The following FAT1 variants were observed in gnomAD, a reference collection of about 807,000 sequenced individuals.
FAT1 encodes FAT atypical cadherin 1.
FAT1 carries 171 observed loss-of-function variants against 329.8 expected under a neutral mutation model. The observed-to-expected ratio is 0.52, with a 90% CI of 0.46 to 0.59. The LOEUF (loss-of-function observed/expected upper bound fraction) is 0.59. Among genes scored for constraint, FAT1 ranks in the 20% least tolerant of loss-of-function variants. The pLI is 0.00. For synonymous variants in FAT1, 2,233 were observed against 2,228.6 expected (o/e 1.00, Z -0.06); for missense variants, 5,672 against 5,774.4 (o/e 0.98, Z 0.57).
chr4:186,714,731 A>AT (rs1171188460), intron 1 of FAT1, among the ~76,000 whole-genome samples: 1 of 152,156 alleles, frequency 6.6e-6, no homozygotes, highest in Non-Finnish European at 1.5e-5. Flanking sequence ...GTAAATAAAG[A>AT]TTTTTCTACA....
chr4:186,640,821 C>T (rs571896372), intron 3 of FAT1, among the ~76,000 whole-genome samples: 17 of 152,246 alleles, frequency 1.1e-4, no homozygotes, highest in African/African-American at 4.1e-4. Context: ...CAAAACTCCC[C>T]TAAGCACTAA....
chr4:186,614,045 T>G (rs962990269), intron 12 of FAT1, 146 bp downstream of exon 12: 2 of 630,764 alleles, frequency 3.2e-6, no homozygotes, highest in Non-Finnish European at 5.2e-6. Flanking sequence ...GCTGGTAAGA[T>G]TTCTAAGAGA....
At position 186,603,170 on chromosome 4, in the gene FAT1, C is replaced by CAGTA; in HGVS notation, c.11350+2_11350+5dup. The stretch of plus-strand genomic sequence containing the variant: ...ACACCGACTTTCATACACTCATGTG[C>CAGTA]AGTACCTTTGCAGAGACACACCGCT... On this transcript the variant is annotated splice_donor_region_variant and intron_variant, in intron 19 of 26. Coordinates refer to ENST00000441802, the MANE Select transcript of FAT1 (RefSeq NM_005245.4). 1 of 1,613,476 alleles carries CAGTA rather than the reference C, an allele frequency of 6.2e-7. No individual in the cohort carries two copies. The highest frequency in any genetic ancestry group is 8.5e-7 in the Non-Finnish European group (1 of 1,179,590).
intron 2 of FAT1, among the ~76,000 whole-genome samples, chr4:186,672,251 T>G (rs561649642): frequency 4.6e-5 from 7 of 152,212 alleles, no homozygotes; most frequent in African/African-American, 1.7e-4. Flanking sequence ...TCTATAAATA[T>G]TTTATGTTTT....
chr4:186,674,534 A>T (rs1278102572), intron 2 of FAT1, among the ~76,000 whole-genome samples: 1 of 152,230 alleles, frequency 6.6e-6, no homozygotes, highest in East Asian at 1.9e-4. Flanking sequence ...CACATCCACC[A>T]AGGTGGACCA....
Position 186,603,497 on chromosome 4 carries a change from C to T in FAT1, c.11029G>A (p.Asp3677Asn), listed in dbSNP as rs754963553. Reference protein sequence around the residue: ...LRNILGVRRNDIQIVSLQSSE... With the variant: ...LRNILGVRRNNIQIVSLQSSE... ...GACTGCAAACTAACAATCTGTATGT[C>T]GTTCCTCCTCACACCCAGGATGTTC... The change falls in exon 19 of 27, where the codon GAC (aspartate) becomes AAC (asparagine). Residue 3677 changes from aspartate to asparagine, a missense_variant. By Grantham distance (23) the Asp-to-Asn change is conservative. Around this residue, in one of 2 missense-constraint regions of FAT1, gnomAD observed 1,706 missense variants for 1,859.1 expected, o/e 0.92. Coordinates refer to ENST00000441802, the MANE Select transcript of FAT1 (RefSeq NM_005245.4). 21 of 1,613,854 alleles carry T rather than the reference C, an allele frequency of 1.3e-5. No homozygotes were observed. Among genetic ancestry groups the T allele is most frequent in the Non-Finnish European group, 1.6e-5 (19 of 1,179,892 alleles).
In FAT1 at chr4:186,663,527, G is replaced by A. The variant is rs780115743; in HGVS notation, c.3352C>T (p.Pro1118Ser). 1.9e-6 allele frequency: 3 copies of A among 1,612,984 alleles called. No homozygotes were observed. The highest frequency in any genetic ancestry group is 2.5e-6 in the Non-Finnish European group (3 of 1,179,632). Residue 1118 changes from proline to serine, a missense_variant, in exon 3 of 27, where the codon CCT becomes TCT. Pro to Ser is a moderately conservative substitution (Grantham distance 74). This residue lies in a region of FAT1 where 3,966 missense variants were observed against 3,915.2 expected (regional missense o/e 1.01). Coordinates refer to ENST00000441802, the MANE Select transcript of FAT1 (RefSeq NM_005245.4). ...TAGATCTCTATGAACGATGAAAGAGGCACGACACCCTGATCGGTTGCAAAG... is the reference window on the plus strand; with the variant it reads ...TAGATCTCTATGAACGATGAAAGAGACACGACACCCTGATCGGTTGCAAAG... ...TVFATDQGVV[P>S]LSSFIEIYIE... is the part of the protein sequence containing the mutation.
At position 186,606,094 on chromosome 4, in the gene FAT1, C is replaced by T. The variant is rs1739121099; in HGVS notation, c.10326G>A (p.Arg3442=). The T allele has an allele frequency of 2.5e-6, 4 of 1,613,096 alleles. No homozygotes were observed. The South Asian group carries it at 4.4e-5, about 18-fold the overall frequency. The part of the protein sequence containing the change: ...DVNDNAPVFS[R]GNYSVIIQEN... ...CCTGGATAATGACACTGTAGTTTCCCCTGGAGAAGACGGGCGCGTTGTCAT... is the reference window on the plus strand; with the variant it reads ...CCTGGATAATGACACTGTAGTTTCCTCTGGAGAAGACGGGCGCGTTGTCAT... The change falls in exon 17 of 27, where the codon AGG becomes AGA. Residue 3442 remains arginine (R), a synonymous_variant. Coordinates refer to ENST00000441802, the MANE Select transcript of FAT1 (RefSeq NM_005245.4).
At chr4:186,679,274 G>T (rs1354769170) in intron 2 of FAT1, among the ~76,000 whole-genome samples, 1 of 151,926 alleles carries the variant, frequency 6.6e-6, no homozygotes, top group Non-Finnish European at 1.5e-5. Context: ...AAAATTACCC[G>T]GGCGTGGTGG....
intron 4 of FAT1, 84 bp downstream of exon 4, chr4:186,639,638 C>T (rs2126570690): frequency 1.1e-6 from 1 of 892,928 alleles, no homozygotes; most frequent in Non-Finnish European, 1.8e-6. Flanking sequence ...GCTAAGAATA[C>T]TGGTTAATGG....
At chr4:186,702,450 CA>C (rs1422198817) in intron 2 of FAT1, among the ~76,000 whole-genome samples, 3 of 152,184 alleles carry the variant, frequency 2.0e-5, no homozygotes, top group African/African-American at 7.2e-5. Context: ...CTAACATTAA[CA>C]GCCAAAAAGA....
In FAT1 at chr4:186,621,003, A is replaced by G; in HGVS notation, c.5583T>C (p.Tyr1861=). 1 of 1,612,908 alleles carries G rather than the reference A, an allele frequency of 6.2e-7. No homozygotes were observed. Among genetic ancestry groups the G allele is most frequent in the Non-Finnish European group, 8.5e-7 (1 of 1,179,870 alleles). Residue 1861 remains tyrosine (Y), a synonymous_variant, in exon 10 of 27, where the codon TAT becomes TAC. Coordinates refer to ENST00000441802, the MANE Select transcript of FAT1 (RefSeq NM_005245.4). Reference sequence around the variant, plus strand: ...TTACATGTACTGTTACATTCGCTGCATACTCAGCAAATAAACGTGGGGTTC... The same window carrying G: ...TTACATGTACTGTTACATTCGCTGCGTACTCAGCAAATAAACGTGGGGTTC... The part of the protein sequence containing the change: ...DMGTPRLFAE[Y]AANVTVHVID...
intron 2 of FAT1, among the ~76,000 whole-genome samples, chr4:186,702,470 C>T (rs1438653310): frequency 6.6e-6 from 1 of 152,206 alleles, no homozygotes; most frequent in Non-Finnish European, 1.5e-5. Flanking sequence ...GAGAACCAAA[C>T]TACTCTAGAC....
At chr4:186,648,117 G>A (rs766152789) in intron 3 of FAT1, among the ~76,000 whole-genome samples, 2 of 152,084 alleles carry the variant, frequency 1.3e-5, no homozygotes, top group Non-Finnish European at 2.9e-5. Context: ...GCTGTGACAC[G>A]TTCAACCCTG....
At chr4:186,678,205 A>G (rs1232798878) in intron 2 of FAT1, among the ~76,000 whole-genome samples, 1 of 152,162 alleles carries the variant, frequency 6.6e-6, no homozygotes, top group Non-Finnish European at 1.5e-5. Flanking sequence ...CAAACTAACC[A>G]CTAGAAAAAA....
At position 186,648,305 on chromosome 4, in the gene FAT1, C is replaced by T. The variant is rs536557582; in HGVS notation, c.3581-8522G>A. On this transcript the variant is annotated intron_variant, in intron 3 of 26. Coordinates refer to ENST00000441802, the MANE Select transcript of FAT1 (RefSeq NM_005245.4). The stretch of plus-strand genomic sequence containing the variant: ...ATTTAAATATTAAAACATTTTAAAG[C>T]TCAGAGTGAAAATATAGACATATTT... Among the ~76,000 whole-genome samples the T allele has an allele frequency of 2.0e-5, 3 of 152,242 alleles. No homozygotes were observed. The East Asian group carries it at 5.8e-4, about 29-fold the overall frequency.
In FAT1 at chr4:186,705,096, C is replaced by A. The variant is rs905690051; in HGVS notation, c.3265+1467G>T. Among the ~76,000 whole-genome samples the A allele has an allele frequency of 2.0e-5, 3 of 151,130 alleles. No individual in the cohort carries two copies. The South Asian group carries it at 6.3e-4, about 32-fold the overall frequency. On this transcript the variant is annotated intron_variant, in intron 2 of 26. Coordinates refer to ENST00000441802, the MANE Select transcript of FAT1 (RefSeq NM_005245.4). ...AGTAGCTGGGACTACAGGTGTACCA[C>A]CACCCCAGCATTTTTTTTTTTTTTT... is the stretch of plus-strand genomic sequence containing the variant.
At chr4:186,684,669 GGAAA>G (rs1743380821) in intron 2 of FAT1, among the ~76,000 whole-genome samples, 1 of 43,000 alleles carries the variant, frequency 2.3e-5, no homozygotes, top group South Asian at 8.0e-4. Context: ...GGGATAAGAG[GGAAA>G]AAAAAAAAAA....
chr4:186,692,160 G>A lies in FAT1; in HGVS notation c.3265+14403C>T, dbSNP rs187267083. 9.2e-5 allele frequency among the ~76,000 whole-genome samples: 14 copies of A among 152,186 alleles called. 1 individual carries two copies. Among genetic ancestry groups the A allele is most frequent in the Admixed American group, 7.2e-4 (11 of 15,286 alleles). On this transcript the variant is annotated intron_variant, in intron 2 of 26. Coordinates refer to ENST00000441802, the MANE Select transcript of FAT1 (RefSeq NM_005245.4). ...GCTTAGTGAGTCAATACAGTTACACGTTTCTATTTCAAATCCTAAGATTTC... is the reference window on the plus strand; with the variant it reads ...GCTTAGTGAGTCAATACAGTTACACATTTCTATTTCAAATCCTAAGATTTC...
Sources: gnomAD v4.1 joint callset for allele counts (sites outside exome capture counted in the v4.1 genomes callset) on GRCh38, gnomAD v4.1.1 for gene constraint, gnomAD v4.1.1 regional missense constraint, MANE v1.5 for transcripts, NCBI Gene and HGNC (gene_info 2026-07-23, HGNC 2026-07-21) for gene names.